The following TMEM161B variants were observed in gnomAD, a reference collection of about 807,000 sequenced individuals.
TMEM161B encodes the protein transmembrane protein 161B.
A neutral mutation model predicts 61.8 loss-of-function variants in TMEM161B; 34 were observed. The ratio of observed to expected loss-of-function variants is 0.55; its 90% confidence interval spans 0.42 to 0.73. The LOEUF (loss-of-function observed/expected upper bound fraction) is 0.73, where lower values mean the gene tolerates loss of function less well. Ranked by LOEUF, TMEM161B falls within the 30% of genes least tolerant of loss-of-function variation. TMEM161B has a pLI of 0.00. For synonymous variants in TMEM161B, 167 were observed against 192.8 expected, an observed-to-expected ratio of 0.87 and a Z score of 1.11; for missense variants, 456 against 558.5, an observed-to-expected ratio of 0.82 and a Z score of 1.85.
At chr5:88,191,482 G>A (rs140825686), downstream of TMEM161B, among the ~76,000 whole-genome samples, 1 of 152,246 alleles carries the variant, frequency 6.6e-6, no homozygotes, top group East Asian at 1.9e-4. Flanking sequence ...CACTCAACAT[G>A]TATTTACTGA....
chr5:88,228,341 T>C (rs1750401647), intron 3 of TMEM161B, 104 bp downstream of exon 3: 1 of 836,650 alleles, frequency 1.2e-6, no homozygotes, highest in African/African-American at 1.8e-5. Context: ...ATTTATCAAC[T>C]ACTTACAACA....
intron 9 of TMEM161B, chr5:88,201,990 A>T: frequency 2.7e-6 from 1 of 366,642 alleles, no homozygotes. Context: ...AAGTATTTCT[A>T]TTTTAATTCT....
rs138359184 is a variant in TMEM161B at position 88,201,869 on chromosome 5, A to G, written c.914+1093T>C. 664 of 182,394 alleles carry G rather than the reference A, an allele frequency of 3.6e-3. 2 individuals carry two copies. Among genetic ancestry groups the G allele is most frequent in the South Asian group, 0.014 (128 of 9,010 alleles). 11.3% of individuals were successfully genotyped at this position (182,394 alleles called of 1,614,324 possible). ...GTTCAATAGGATTAACTCTAAAAAGAGAAATTATCATGGTCATCACTGATT... is the reference window on the plus strand; with the variant it reads ...GTTCAATAGGATTAACTCTAAAAAGGGAAATTATCATGGTCATCACTGATT... On this transcript the variant is annotated intron_variant, in intron 9 of 11. Transcript: ENST00000296595.
At chr5:88,188,905 T>C (rs902933463), downstream of TMEM161B, among the ~76,000 whole-genome samples, 1 of 152,166 alleles carries the variant, frequency 6.6e-6, no homozygotes, top group Non-Finnish European at 1.5e-5. Flanking sequence ...TTCCTTCTTC[T>C]TGTTTTTCAA....
intron 10 of TMEM161B, chr5:88,198,530 T>A (rs940438495): frequency 6.6e-6 from 1 of 152,562 alleles, no homozygotes; most frequent in African/African-American, 2.4e-5. Context: ...GGCAGATGGA[T>A]TCCTTGTCCT....
chr5:88,267,399 T>A (rs1312572086), intron 1 of TMEM161B, among the ~76,000 whole-genome samples: 1 of 151,706 alleles, frequency 6.6e-6, no homozygotes, highest in Non-Finnish European at 1.5e-5. Flanking sequence ...CACCAGGAAC[T>A]ACATTATTTT....
At chr5:88,258,379 T>C (rs1472548321) in intron 1 of TMEM161B, among the ~76,000 whole-genome samples, 1 of 152,140 alleles carries the variant, frequency 6.6e-6, no homozygotes, top group Non-Finnish European at 1.5e-5. Flanking sequence ...TGAAGCTTCA[T>C]TGTCCTGATG....
chr5:88,263,986 C>G lies in TMEM161B; in HGVS notation c.3+4735G>C, dbSNP rs143349244. ...TAACCTTAGTGGTTAACTGCTAATA[C>G]ATGACCGAATCCATCCTTCAAACTG... On this transcript the variant is annotated intron_variant, in intron 1 of 11. Transcript: ENST00000296595. 2.0e-5 allele frequency among the ~76,000 whole-genome samples: 3 copies of G among 152,234 alleles called. No homozygotes were observed. The East Asian group carries it at 5.8e-4, about 29-fold the overall frequency.
At chr5:88,205,777 A>T in intron 8 of TMEM161B, 37 bp downstream of exon 8, 1 of 1,603,186 alleles carries the variant, frequency 6.2e-7, no homozygotes, top group Non-Finnish European at 8.5e-7. Flanking sequence ...GAAAACATAT[A>T]TTTATCTGCA....
chr5:88,257,091 A>T (rs1755079773), intron 1 of TMEM161B, among the ~76,000 whole-genome samples: 1 of 152,170 alleles, frequency 6.6e-6, no homozygotes, highest in Middle Eastern at 3.2e-3. Flanking sequence ...CAACGTGGTG[A>T]AACCTCCTCA....
intron 1 of TMEM161B, among the ~76,000 whole-genome samples, chr5:88,258,681 A>T (rs1755307802): frequency 6.6e-6 from 1 of 152,166 alleles, no homozygotes; most frequent in Non-Finnish European, 1.5e-5. Context: ...CAAGTTAATG[A>T]AGTTTTGGCT....
At chr5:88,206,733 A>C (rs1463808430) in intron 6 of TMEM161B, among the ~76,000 whole-genome samples, 4 of 152,104 alleles carry the variant, frequency 2.6e-5, no homozygotes, top group Admixed American at 2.0e-4. Flanking sequence ...TGTGCATAAA[A>C]TTTGCATTAA....
At position 88,221,632 on chromosome 5, in the gene TMEM161B, A is replaced by T. The variant is rs1306526281; in HGVS notation, c.290-913T>A. ...AACTATTCCATTCTTAAGAGTTTACATTGAAATTAACATTCTTTGAAAGTA... is the reference window on the plus strand; with the variant it reads ...AACTATTCCATTCTTAAGAGTTTACTTTGAAATTAACATTCTTTGAAAGTA... On this transcript the variant is annotated intron_variant, in intron 4 of 11. Coordinates refer to ENST00000296595, the MANE Select transcript of TMEM161B (RefSeq NM_153354.5). The T allele has an allele frequency of 2.0e-5, 9 of 451,482 alleles. No individual in the cohort carries two copies. In the East Asian group the frequency reaches 6.3e-4, roughly 31 times the overall value. The allele number at this position is 451,482 out of a possible 1,614,324, so 28.0% of individuals were successfully genotyped here.
chr5:88,227,590 G>C (rs186702330), intron 3 of TMEM161B, among the ~76,000 whole-genome samples: 3 of 152,258 alleles, frequency 2.0e-5, no homozygotes, highest in African/African-American at 7.2e-5. Flanking sequence ...GATCAAAAAA[G>C]ACAGTCTTTT....
rs1745351806 is a variant in TMEM161B at position 88,205,808 on chromosome 5, GCTTA to G, written c.800+2_800+5del. On this transcript the variant is annotated splice_donor_variant and splice_donor_5th_base_variant and intron_variant, in intron 8 of 11. Transcript: ENST00000296595. LOFTEE classifies it high-confidence loss of function. ...CTGCATGTGCTTATGTACATTTTCC[GCTTA>G]CTGTGTAATTTTTTCTGTTGCCAAA... 1 of 1,611,564 alleles carries G rather than the reference GCTTA, an allele frequency of 6.2e-7. No individual in the cohort carries two copies. Among genetic ancestry groups the G allele is most frequent in the African/African-American group, 1.3e-5 (1 of 74,818 alleles).
chr5:88,234,328 C>T (rs1329111784), intron 2 of TMEM161B, among the ~76,000 whole-genome samples: 2 of 152,120 alleles, frequency 1.3e-5, no homozygotes, highest in Non-Finnish European at 2.9e-5. Context: ...GGTACAGATG[C>T]TTAAGTTTTG....
intron 1 of TMEM161B, among the ~76,000 whole-genome samples, chr5:88,251,822 A>G (rs928943967): frequency 1.3e-5 from 2 of 152,160 alleles, no homozygotes; most frequent in Non-Finnish European, 2.9e-5. Context: ...TATCTAATAT[A>G]CATCCAGTAT....
At chr5:88,224,959 GTTTTTGTTTT>G (rs1223477679) in intron 4 of TMEM161B, among the ~76,000 whole-genome samples, 11 of 101,200 alleles carry the variant, frequency 1.1e-4, no homozygotes, top group African/African-American at 3.5e-4. Context: ...CACAAAATAT[GTTTTTGTTTT>G]TTTTTTTTTT....
At chr5:88,228,362 A>G in intron 3 of TMEM161B, 83 bp downstream of exon 3, 1 of 1,035,100 alleles carries the variant, frequency 9.7e-7, no homozygotes, top group Non-Finnish European at 1.4e-6. Flanking sequence ...TAATTGGTAC[A>G]TGTTTCTTTA....
Sources: gnomAD v4.1 joint callset for allele counts (sites outside exome capture counted in the v4.1 genomes callset) on GRCh38, gnomAD v4.1.1 for gene constraint, MANE v1.5 for transcripts, NCBI Gene and HGNC (gene_info 2026-07-23, HGNC 2026-07-21) for gene names.